The following LY96 variants were observed in gnomAD, a reference collection of about 807,000 sequenced individuals.
LY96 encodes the protein myeloid differentiation protein-2.
In LY96, 18 loss-of-function variants were observed where a neutral mutation model predicts 18.9. That is an observed-to-expected ratio of 0.95 (90% CI 0.66 to 1.41). The LOEUF is 1.41. Ranked by LOEUF, LY96 falls within the 40% of genes most tolerant of loss-of-function variation. The pLI is 0.00. For synonymous variants in LY96, 66 were observed against 62.6 expected (o/e 1.06, Z -0.26); for missense variants, 175 against 182.4 (o/e 0.96, Z 0.23).
chr8:74,035,106 T>G, the LY96 span, among the ~76,000 whole-genome samples: 3 of 152,224 alleles, frequency 2.0e-5, no homozygotes, highest in African/African-American at 4.8e-5. Flanking sequence ...TATAGCTAAT[T>G]GCTAAAAGTC....
chr8:74,006,895 G>A (rs1012361691), intron 2 of LY96, among the ~76,000 whole-genome samples: 9 of 152,150 alleles, frequency 5.9e-5, no homozygotes, highest in Non-Finnish European at 1.2e-4. Flanking sequence ...TCTCTGAAAA[G>A]CAGACACTAA....
downstream of LY96, among the ~76,000 whole-genome samples, chr8:74,031,140 C>T (rs1004972210): frequency 1.3e-5 from 2 of 151,896 alleles, no homozygotes; most frequent in Non-Finnish European, 2.9e-5. Flanking sequence ...GCCACCTTTC[C>T]TATTGTAATT....
chr8:74,091,882 C>T, the LY96 span, among the ~76,000 whole-genome samples: 2 of 152,152 alleles, frequency 1.3e-5, no homozygotes, highest in African/African-American at 2.4e-5. Flanking sequence ...TCCTTCCATC[C>T]ACTTACTATT....
intron 3 of LY96, among the ~76,000 whole-genome samples, chr8:74,023,126 T>C (rs1275704679): frequency 6.6e-6 from 1 of 152,226 alleles, no homozygotes; most frequent in Non-Finnish European, 1.5e-5. Flanking sequence ...CCACCTTCCC[T>C]GGACCGGTTC....
At chr8:74,034,217 C>G in the LY96 span, among the ~76,000 whole-genome samples, 4 of 152,078 alleles carry the variant, frequency 2.6e-5, no homozygotes, top group African/African-American at 9.6e-5. Flanking sequence ...CTAGAAAATA[C>G]AAAAATTAGC....
chr8:74,011,730 G>A, intron 3 of LY96, among the ~76,000 whole-genome samples: 1 of 151,996 alleles, frequency 6.6e-6, no homozygotes, highest in Non-Finnish European at 1.5e-5. Context: ...GTGGTGGCAT[G>A]CGCCTGTAGT....
intron 1 of LY96, among the ~76,000 whole-genome samples, chr8:73,996,581 C>A (rs903800953): frequency 6.6e-6 from 1 of 151,636 alleles, no homozygotes; most frequent in Non-Finnish European, 1.5e-5. Flanking sequence ...CCATGCCTGG[C>A]TATTTTTTTC....
At chr8:74,017,590 A>G (rs549563757) in intron 3 of LY96, among the ~76,000 whole-genome samples, 1 of 152,330 alleles carries the variant, frequency 6.6e-6, no homozygotes, top group African/African-American at 2.4e-5. Flanking sequence ...ACCCCAAGAC[A>G]GATAATTGTC....
At chr8:74,008,363 A>G (rs16938761) in intron 2 of LY96, among the ~76,000 whole-genome samples, 48,190 of 152,092 alleles carry the variant, frequency 0.32, 10,789 homozygotes, top group African/African-American at 0.64. Context: ...GGAATTCCTT[A>G]TGAAAATGGT....
At chr8:74,098,479 G>T in the LY96 span, among the ~76,000 whole-genome samples, 1 of 152,086 alleles carries the variant, frequency 6.6e-6, no homozygotes, top group Non-Finnish European at 1.5e-5. Context: ...GGGCTCAAGC[G>T]ATTCTCATGC....
At chr8:74,054,613 TTTCC>T in the LY96 span, among the ~76,000 whole-genome samples, 78 of 98,886 alleles carry the variant, frequency 7.9e-4, 1 homozygote, top group African/African-American at 2.4e-3. Context: ...CTTGTTTCCT[TTTCC>T]TTCTTTCTTT....
intron 3 of LY96, among the ~76,000 whole-genome samples, chr8:74,020,221 G>T (rs750886102): frequency 7.9e-5 from 12 of 152,134 alleles, no homozygotes; most frequent in Non-Finnish European, 1.5e-4. Flanking sequence ...CTTCAGCAAA[G>T]TCTCAGGATA....
At chr8:74,034,089 T>C in the LY96 span, among the ~76,000 whole-genome samples, 1 of 152,200 alleles carries the variant, frequency 6.6e-6, no homozygotes, top group East Asian at 1.9e-4. Flanking sequence ...AATTTCTCTT[T>C]AGGCTGGGTG....
the LY96 span, among the ~76,000 whole-genome samples, chr8:74,067,086 T>A: frequency 6.6e-6 from 1 of 152,212 alleles, no homozygotes; most frequent in Non-Finnish European, 1.5e-5. Context: ...GTTTGGAAAG[T>A]CCTTGGCAAA....
At chr8:74,024,432 G>A (rs1586661011) in intron 3 of LY96, among the ~76,000 whole-genome samples, 1 of 151,712 alleles carries the variant, frequency 6.6e-6, no homozygotes, top group South Asian at 2.1e-4. Flanking sequence ...AGATGCCATT[G>A]GAAGGAGGGT....
At chr8:74,066,426 G>T in the LY96 span, among the ~76,000 whole-genome samples, 1 of 152,024 alleles carries the variant, frequency 6.6e-6, no homozygotes, top group South Asian at 2.1e-4. Context: ...GGACTCACAT[G>T]TGCAAAGATG....
At chr8:74,029,351 T>C (rs1816931008), downstream of LY96, among the ~76,000 whole-genome samples, 3 of 152,166 alleles carry the variant, frequency 2.0e-5, no homozygotes, top group Non-Finnish European at 4.4e-5. Flanking sequence ...TGATATGGTT[T>C]GGCTGTGTCC....
the LY96 span, among the ~76,000 whole-genome samples, chr8:74,062,604 C>G: frequency 2.6e-5 from 4 of 152,118 alleles, no homozygotes; most frequent in African/African-American, 9.7e-5. Flanking sequence ...CATAGTATTC[C>G]ATGGTGTATA....
At chr8:74,038,083 T>A in the LY96 span, among the ~76,000 whole-genome samples, 1 of 152,218 alleles carries the variant, frequency 6.6e-6, no homozygotes, top group Non-Finnish European at 1.5e-5. Flanking sequence ...TAAATCAAAA[T>A]AGACTTCCAA....
Sources: allele counts gnomAD v4.1 joint callset (sites outside exome capture counted in the v4.1 genomes callset), GRCh38; gene constraint gnomAD v4.1.1; transcripts MANE v1.5; gene names NCBI Gene and HGNC (gene_info 2026-07-23, HGNC 2026-07-21).